The following FAM135B variants were observed in gnomAD, a reference collection of about 807,000 sequenced individuals.
FAM135B encodes protein FAM135B.
FAM135B carries 43 observed loss-of-function variants against 127.7 expected under a neutral mutation model. That is an observed-to-expected ratio of 0.34 (90% CI 0.26 to 0.43). FAM135B has a LOEUF of 0.43. Among genes scored for constraint, FAM135B ranks in the 20% least tolerant of loss-of-function variants. FAM135B has a pLI of 1.00. For synonymous variants in FAM135B, 670 were observed against 665.1 expected (o/e 1.01, Z -0.11); for missense variants, 1,558 against 1,725.6 (o/e 0.90, Z 1.72).
chr8:138,243,795 A>G lies in FAM135B; in HGVS notation c.543-727T>C, dbSNP rs891054684. ...ATCTTTACCTGTTTGATTTTCATCA[A>G]TTGATATACCAGTAATGTTCACTTA... On this transcript the variant is annotated intron_variant, in intron 6 of 19. Transcript: ENST00000395297. The surrounding 1 kb of genome is among the most constrained non-coding windows in gnomAD (Gnocchi z 7.5). 1.3e-5 allele frequency among the ~76,000 whole-genome samples: 2 copies of G among 152,236 alleles called. No individual in the cohort carries two copies. Among genetic ancestry groups the G allele is most frequent in the Admixed American group, 1.3e-4 (2 of 15,280 alleles).
intron 1 of FAM135B, among the ~76,000 whole-genome samples, chr8:138,379,920 T>G (rs79393361): frequency 0.016 from 2,465 of 152,292 alleles, 60 homozygotes; most frequent in African/African-American, 0.056. Context: ...TGCTTTGGGA[T>G]TGAGCCTTGA....
intron 12 of FAM135B, among the ~76,000 whole-genome samples, chr8:138,158,061 A>G (rs568198678): frequency 6.6e-6 from 1 of 152,360 alleles, no homozygotes; most frequent in South Asian, 2.1e-4. Context: ...GTACAAGGCT[A>G]CAGTAACCAA....
intron 12 of FAM135B, among the ~76,000 whole-genome samples, chr8:138,154,137 C>T (rs1818458943): frequency 6.6e-6 from 1 of 152,174 alleles, no homozygotes; most frequent in Non-Finnish European, 1.5e-5. Flanking sequence ...GTAATATTTG[C>T]TGTTCTGCAG....
chr8:138,330,235 G>A (rs928445208), intron 2 of FAM135B, among the ~76,000 whole-genome samples: 35 of 152,128 alleles, frequency 2.3e-4, no homozygotes, highest in African/African-American at 8.2e-4. Flanking sequence ...AAAGTGTCGT[G>A]AGTTCAAAGT....
chr8:138,317,539 T>C (rs1490803340), intron 2 of FAM135B, among the ~76,000 whole-genome samples: 1 of 152,216 alleles, frequency 6.6e-6, no homozygotes, highest in Non-Finnish European at 1.5e-5. Context: ...GATGTCTCTG[T>C]ACTACTTCTT....
chr8:138,494,793 A>G (rs1815327606), intron 1 of FAM135B, among the ~76,000 whole-genome samples: 2 of 151,940 alleles, frequency 1.3e-5, no homozygotes, highest in Non-Finnish European at 2.9e-5. Flanking sequence ...CGAGGTGAAC[A>G]GTTAAATGAG....
chr8:138,441,126 A>C (rs1835739352), intron 1 of FAM135B: 1 of 152,176 alleles, frequency 6.6e-6, no homozygotes, highest in Non-Finnish European at 1.5e-5. Context: ...ACGTGGCTAC[A>C]ATGTTAATGA....
At chr8:138,434,254 A>G (rs1835348266) in intron 1 of FAM135B, among the ~76,000 whole-genome samples, 1 of 152,236 alleles carries the variant, frequency 6.6e-6, no homozygotes, top group South Asian at 2.1e-4. Context: ...CTGTCTAAAT[A>G]TGAATCTAAT....
At chr8:138,305,353 C>T (rs1172140576) in intron 3 of FAM135B, among the ~76,000 whole-genome samples, 2 of 152,158 alleles carry the variant, frequency 1.3e-5, no homozygotes, top group Non-Finnish European at 2.9e-5. Context: ...GACCCCGCTC[C>T]CAAGCATGAT....
chr8:138,167,942 G>T lies in FAM135B; in HGVS notation c.1211C>A (p.Thr404Asn), dbSNP rs2130900600. The change falls in exon 12 of 20, where the codon ACC becomes AAC. Residue 404 changes from threonine (T) to asparagine (N), a missense_variant. This residue lies in a region of FAM135B where 115 missense variants were observed against 171.1 expected (regional missense o/e 0.67). Coordinates refer to ENST00000395297, the MANE Select transcript of FAM135B (RefSeq NM_015912.4). ...TCTGTCCTCAAAGATCACCGGCAGG[G>T]TGTTCCAATCGCCGTCGATGTCCAG... ...ECLDIDGDWN[T>N]LPVIFEDRYV... 6.2e-7 allele frequency: 1 copy of T among 1,613,878 alleles called. No homozygotes were observed. Among genetic ancestry groups the T allele is most frequent in the Non-Finnish European group, 8.5e-7 (1 of 1,179,904 alleles).
At chr8:138,470,491 T>C (rs763351782) in intron 1 of FAM135B, among the ~76,000 whole-genome samples, 8 of 152,216 alleles carry the variant, frequency 5.3e-5, no homozygotes, top group Non-Finnish European at 8.8e-5. Context: ...TTATCAAATA[T>C]AATTAGATTG....
Position 138,256,751 on chromosome 8 carries a change from G to T in FAM135B, c.306C>A (p.Asp102Glu). The T allele has an allele frequency of 1.2e-6, 2 of 1,613,542 alleles. No homozygotes were observed. Among genetic ancestry groups the T allele is most frequent in the Non-Finnish European group, 1.7e-6 (2 of 1,179,634 alleles). Residue 102 changes from aspartate (D) to glutamate (E), a missense_variant, in exon 5 of 20, where the codon GAC becomes GAA. Transcript: ENST00000395297. ...GTTGAAAATCTACTTCACTCAGTGC[G>T]TCTTCCATCTGCAAAAGAAACAAAG... The part of the protein sequence containing the change: ...HLLLGGERME[D>E]ALSEVDFQLK...
At chr8:138,294,836 G>A (rs1825362322) in intron 3 of FAM135B, among the ~76,000 whole-genome samples, 1 of 152,170 alleles carries the variant, frequency 6.6e-6, no homozygotes, top group Non-Finnish European at 1.5e-5. Context: ...TACCAGCTTT[G>A]CTACTGACTA....
intron 5 of FAM135B, 103 bp from the exon 6 acceptor site, chr8:138,251,117 T>C: frequency 7.7e-7 from 1 of 1,305,894 alleles, no homozygotes; most frequent in Non-Finnish European, 1.1e-6. Flanking sequence ...GCACCATGCA[T>C]ACATCATCTC....
At chr8:138,408,503 T>A (rs942371577) in intron 1 of FAM135B, among the ~76,000 whole-genome samples, 5 of 152,208 alleles carry the variant, frequency 3.3e-5, no homozygotes, top group Admixed American at 2.0e-4. Context: ...AGGGCCTTGC[T>A]CTGGATTTTG....
chr8:138,210,936 G>C (rs947297295), intron 7 of FAM135B, among the ~76,000 whole-genome samples: 1 of 152,184 alleles, frequency 6.6e-6, no homozygotes, highest in Non-Finnish European at 1.5e-5. Context: ...TATTCAGTGT[G>C]GGGTGGGGAA....
At chr8:138,453,068 G>A (rs532325604) in intron 1 of FAM135B, among the ~76,000 whole-genome samples, 1 of 152,214 alleles carries the variant, frequency 6.6e-6, no homozygotes, top group South Asian at 2.1e-4. Flanking sequence ...ATCAGGAAGT[G>A]GGGATCATGG....
rs1351217829 is a variant in FAM135B, at chr8:138,242,843, C to G, written c.669+99G>C. 5.5e-6 allele frequency: 8 copies of G among 1,466,266 alleles called. No homozygotes were observed. In the African/African-American group the frequency reaches 8.5e-5, roughly 16 times the overall value. The allele number at this position is 1,466,266 out of a possible 1,614,324, so 90.8% of individuals were successfully genotyped here. ...GGAAGGGTCAAATTAGCAAAAATCT[C>G]TGAAGGGGATGTTTCAAAGAAGCAT... On this transcript the variant is annotated intron_variant, in intron 7 of 19. Coordinates refer to ENST00000395297, the MANE Select transcript of FAM135B (RefSeq NM_015912.4). This position sits in a 1 kb window ranked among gnomAD's most constrained non-coding sequence, Gnocchi z 9.6.
At chr8:138,343,306 T>C (rs1375539285) in intron 2 of FAM135B, among the ~76,000 whole-genome samples, 1 of 152,186 alleles carries the variant, frequency 6.6e-6, no homozygotes, top group African/African-American at 2.4e-5. Flanking sequence ...GGAAGACACA[T>C]GCAGACACTG....
Sources: gnomAD v4.1 joint callset for allele counts (sites outside exome capture counted in the v4.1 genomes callset) on GRCh38, gnomAD v4.1.1 for gene constraint, gnomAD v4.1.1 regional missense constraint, Gnocchi (gnomAD v3.1) non-coding constraint, MANE v1.5 for transcripts, NCBI Gene and HGNC (gene_info 2026-07-23, HGNC 2026-07-21) for gene names.